The following KCNH8 variants were observed in gnomAD, a reference collection of about 807,000 sequenced individuals.
KCNH8 encodes potassium voltage-gated channel subfamily H member 8, also known as voltage-gated delayed rectifier potassium channel KCNH8.
In KCNH8, 70 loss-of-function variants were observed where a neutral mutation model predicts 103.6. The ratio of observed to expected loss-of-function variants is 0.68; its 90% CI spans 0.56 to 0.82. The LOEUF (loss-of-function observed/expected upper bound fraction) is 0.82. KCNH8 is among the 40% of genes least tolerant of loss of function. The pLI, the probability that KCNH8 is intolerant of heterozygous loss-of-function variation, is 0.00. For missense variants in KCNH8, 1,217 were observed against 1,329.9 expected (o/e 0.92, Z 1.32); for synonymous variants, 498 against 489.4 (o/e 1.02, Z -0.23).
At position 19,355,210 on chromosome 3, in the gene KCNH8, G is replaced by A. The variant is rs552564486; in HGVS notation, c.811+7245G>A. Among the ~76,000 whole-genome samples the A allele has an allele frequency of 6.5e-4, 99 of 152,170 alleles. 1 individual carries two copies. The Middle Eastern group carries it at 0.034, about 52-fold the overall frequency. The stretch of plus-strand genomic sequence containing the variant: ...ACCATCTCACACCAGTTAGAATGGC[G>A]ATCATTAAAAAGTCAAGAAACAACA... On this transcript the variant is annotated intron_variant, in intron 5 of 15. Transcript: ENST00000328405.
At chr3:19,458,140 C>A (rs945402307) in intron 11 of KCNH8, among the ~76,000 whole-genome samples, 3 of 152,006 alleles carry the variant, frequency 2.0e-5, no homozygotes, top group Admixed American at 2.0e-4. Flanking sequence ...TATGTTCACA[C>A]ATACTTGCAG....
chr3:19,443,060 T>C (rs2067306078), intron 8 of KCNH8, among the ~76,000 whole-genome samples: 1 of 151,768 alleles, frequency 6.6e-6, no homozygotes, highest in Non-Finnish European at 1.5e-5. Flanking sequence ...TTTATAAATA[T>C]AAACAAATAA....
chr3:19,446,033 C>A (rs1324075981), intron 8 of KCNH8, among the ~76,000 whole-genome samples: 2 of 151,844 alleles, frequency 1.3e-5, no homozygotes, highest in African/African-American at 4.8e-5. Flanking sequence ...TTAGAAAAGA[C>A]TGGAAAACAA....
At chr3:19,383,411 C>G (rs2066313950) in intron 5 of KCNH8, among the ~76,000 whole-genome samples, 2 of 151,400 alleles carry the variant, frequency 1.3e-5, no homozygotes. Context: ...GAATCTCACT[C>G]TGTCTCCCAG....
In KCNH8 at chr3:19,472,195, C is replaced by CGT. The variant is rs57766729; in HGVS notation, c.2040+15264_2040+15265dup. On this transcript the variant is annotated intron_variant, in intron 11 of 15. Coordinates refer to ENST00000328405, the MANE Select transcript of KCNH8 (RefSeq NM_144633.3). The stretch of plus-strand genomic sequence containing the variant: ...CTTATTGGAATTTAATCACTTCATT[C>CGT]GTGTGTGTGTGTGTGTGTGTGTGTG... Among the ~76,000 whole-genome samples the CGT allele has an allele frequency of 4.1e-3, 564 of 137,474 alleles. 6 individuals carry two copies. The highest frequency in any genetic ancestry group is 0.019 in the Middle Eastern group (5 of 264). 90.2% of individuals were successfully genotyped at this position (137,474 alleles called of 152,430 possible).
At chr3:19,217,382 C>T (rs2063828325) in intron 1 of KCNH8, among the ~76,000 whole-genome samples, 1 of 152,152 alleles carries the variant, frequency 6.6e-6, no homozygotes, top group South Asian at 2.1e-4. Flanking sequence ...TTTCTGGAGG[C>T]AAACATTCTA....
intron 3 of KCNH8, among the ~76,000 whole-genome samples, chr3:19,287,367 G>A (rs529361934): frequency 9.7e-4 from 148 of 152,260 alleles, no homozygotes; most frequent in Middle Eastern, 3.4e-3. Flanking sequence ...TTACAGGATT[G>A]CTGCTAAAAG....
intron 3 of KCNH8, among the ~76,000 whole-genome samples, chr3:19,340,950 A>G (rs1383050763): frequency 6.6e-6 from 1 of 152,188 alleles, no homozygotes; most frequent in African/African-American, 2.4e-5. Flanking sequence ...TAGAGCAGGA[A>G]TGAAAGGAAG....
intron 11 of KCNH8, among the ~76,000 whole-genome samples, chr3:19,492,932 T>A (rs1366940478): frequency 6.6e-6 from 1 of 150,892 alleles, no homozygotes; most frequent in Admixed American, 6.6e-5. Flanking sequence ...CATGTAGAGA[T>A]CCTCCACCTC....
intron 15 of KCNH8, among the ~76,000 whole-genome samples, chr3:19,522,584 C>T (rs976562799): frequency 5.3e-5 from 8 of 151,834 alleles, no homozygotes; most frequent in Admixed American, 6.6e-5. Flanking sequence ...CAGAAACACA[C>T]TCAAAAGACA....
chr3:19,285,059 T>C (rs76570897), intron 3 of KCNH8, among the ~76,000 whole-genome samples: 1 of 151,734 alleles, frequency 6.6e-6, no homozygotes, highest in Non-Finnish European at 1.5e-5. Context: ...GGGCCTTTGG[T>C]TGGAGTGGTT....
At chr3:19,237,475 C>T (rs552897184) in intron 1 of KCNH8, among the ~76,000 whole-genome samples, 11 of 152,310 alleles carry the variant, frequency 7.2e-5, no homozygotes, top group African/African-American at 2.6e-4. Flanking sequence ...TTATAAAACC[C>T]TCTCCTTCAC....
At chr3:19,476,440 C>T (rs111796380) in intron 11 of KCNH8, among the ~76,000 whole-genome samples, 56 of 152,210 alleles carry the variant, frequency 3.7e-4, no homozygotes, top group Middle Eastern at 3.4e-3. Context: ...CCTAAATACT[C>T]GGTGGGTATC....
intron 1 of KCNH8, among the ~76,000 whole-genome samples, chr3:19,211,382 G>T (rs1028104247): frequency 6.6e-6 from 1 of 152,144 alleles, no homozygotes; most frequent in African/African-American, 2.4e-5. Context: ...CATGGAAGAG[G>T]TGGGGCTGGA....
intron 11 of KCNH8, among the ~76,000 whole-genome samples, chr3:19,468,110 A>T (rs1162639274): frequency 6.6e-6 from 1 of 151,970 alleles, no homozygotes; most frequent in African/African-American, 2.4e-5. Flanking sequence ...GTCTTTTTTC[A>T]TGGCATTTAG....
At chr3:19,408,469 A>G (rs2066727763) in intron 7 of KCNH8, among the ~76,000 whole-genome samples, 2 of 152,266 alleles carry the variant, frequency 1.3e-5, no homozygotes, top group South Asian at 2.1e-4. Context: ...GAATGTAGTG[A>G]CACCACCAAA....
chr3:19,217,157 A>G (rs192066071), intron 1 of KCNH8, among the ~76,000 whole-genome samples: 1 of 152,170 alleles, frequency 6.6e-6, no homozygotes, highest in African/African-American at 2.4e-5. Flanking sequence ...ACTGATCATC[A>G]CTGCTAATTC....
At chr3:19,384,713 G>T (rs935271211) in intron 5 of KCNH8, among the ~76,000 whole-genome samples, 2 of 152,086 alleles carry the variant, frequency 1.3e-5, no homozygotes, top group African/African-American at 4.8e-5. Flanking sequence ...AAACAATGCT[G>T]GTGGGAATTG....
intron 8 of KCNH8, among the ~76,000 whole-genome samples, chr3:19,440,701 T>C (rs2067270087): frequency 6.6e-6 from 1 of 152,174 alleles, no homozygotes; most frequent in South Asian, 2.1e-4. Flanking sequence ...CCATATCAAG[T>C]GTATAACCAA....
Sources: gnomAD v4.1 joint callset for allele counts (sites outside exome capture counted in the v4.1 genomes callset) on GRCh38, gnomAD v4.1.1 for gene constraint, MANE v1.5 for transcripts, NCBI Gene and HGNC (gene_info 2026-07-23, HGNC 2026-07-21) for gene names.